Variants in CDH13 observed in about 807,000 individuals in gnomAD.
The protein encoded by CDH13 is cadherin 13.
A neutral mutation model predicts 63.8 loss-of-function variants in CDH13; 24 were observed. The ratio of observed to expected loss-of-function variants is 0.38; its 90% CI spans 0.27 to 0.53. The LOEUF is 0.53. Ranked by LOEUF, CDH13 falls within the 20% of genes least tolerant of loss-of-function variation. The probability of loss-of-function intolerance (pLI) is 0.85; values close to 1 mark genes in which losing one functional copy is unlikely to be tolerated. For missense variants in CDH13, 1,049 were observed against 903.1 expected, an observed-to-expected ratio of 1.16 and a Z score of -2.07; for synonymous variants, 503 against 355.3, an observed-to-expected ratio of 1.42 and a Z score of -4.67.
chr16:83,313,039 C>A (rs780870509), intron 5 of CDH13, among the ~76,000 whole-genome samples: 2 of 152,152 alleles, frequency 1.3e-5, no homozygotes, highest in Non-Finnish European at 2.9e-5. Context: ...GAATCAGCAC[C>A]CACTCAGCTG....
chr16:83,115,209 A>G (rs2151627655), intron 3 of CDH13, among the ~76,000 whole-genome samples: 1 of 152,328 alleles, frequency 6.6e-6, no homozygotes, highest in Non-Finnish European at 1.5e-5. Context: ...ACAGAGGCCA[A>G]AGAGCTGAAT....
chr16:82,913,969 G>A (rs2041911881), intron 2 of CDH13, among the ~76,000 whole-genome samples: 2 of 151,696 alleles, frequency 1.3e-5, no homozygotes, highest in Admixed American at 1.3e-4. Flanking sequence ...GCTGGGGGAT[G>A]TAGACACCAC....
intron 6 of CDH13, among the ~76,000 whole-genome samples, chr16:83,381,388 C>T (rs766800233): frequency 2.6e-5 from 4 of 152,028 alleles, no homozygotes; most frequent in African/African-American, 4.8e-5. Flanking sequence ...GAGTTCCAAA[C>T]CTCTCTGACT....
At chr16:83,585,529 C>T (rs765004246) in intron 7 of CDH13, among the ~76,000 whole-genome samples, 1 of 151,904 alleles carries the variant, frequency 6.6e-6, no homozygotes, top group Non-Finnish European at 1.5e-5. Flanking sequence ...TTGCAGTGCT[C>T]GTGACACATT....
At chr16:83,709,164 G>A (rs910554890) in intron 10 of CDH13, among the ~76,000 whole-genome samples, 5 of 152,192 alleles carry the variant, frequency 3.3e-5, no homozygotes, top group African/African-American at 1.2e-4. Context: ...AGGAATGCAG[G>A]CATCTCTAGA....
At position 83,290,027 on chromosome 16, in the gene CDH13, C is replaced by G. The variant is rs77790514; in HGVS notation, c.637-54835C>G. 2.3e-3 allele frequency among the ~76,000 whole-genome samples: 351 copies of G among 152,258 alleles called. 1 individual carries two copies. Among genetic ancestry groups the G allele is most frequent in the African/African-American group, 8.1e-3 (338 of 41,560 alleles). ...ACCACTCTTCTGACACTTAACTGTACAGATTAGATTGGCCTGTTTGGGGAC... is the reference window on the plus strand; with the variant it reads ...ACCACTCTTCTGACACTTAACTGTAGAGATTAGATTGGCCTGTTTGGGGAC... On this transcript the variant is annotated intron_variant, in intron 5 of 13. Transcript: ENST00000567109.
At chr16:83,224,261 C>T (rs2151796153) in intron 5 of CDH13, among the ~76,000 whole-genome samples, 1 of 152,294 alleles carries the variant, frequency 6.6e-6, no homozygotes, top group East Asian at 1.9e-4. Flanking sequence ...GATTGATGGG[C>T]ATTTGGGCTG....
At chr16:82,891,346 A>G (rs1019705596) in intron 2 of CDH13, among the ~76,000 whole-genome samples, 3 of 152,128 alleles carry the variant, frequency 2.0e-5, no homozygotes, top group Non-Finnish European at 1.5e-5. Context: ...TCTGCACTGC[A>G]TTTTAGGAGC....
intron 8 of CDH13, among the ~76,000 whole-genome samples, chr16:83,618,166 T>G (rs2150773184): frequency 6.6e-6 from 1 of 152,238 alleles, no homozygotes; most frequent in East Asian, 1.9e-4. Context: ...GGCTCATGCC[T>G]GTAATACCAG....
intron 1 of CDH13, among the ~76,000 whole-genome samples, chr16:82,806,524 T>C (rs2037154707): frequency 6.6e-6 from 1 of 152,218 alleles, no homozygotes; most frequent in South Asian, 2.1e-4. Context: ...TTTGTAACAT[T>C]ATCTCTCTCC....
intron 8 of CDH13, among the ~76,000 whole-genome samples, chr16:83,622,946 A>C (rs1296745093): frequency 6.6e-6 from 1 of 152,202 alleles, no homozygotes; most frequent in African/African-American, 2.4e-5. Context: ...AGCAGGGAGG[A>C]CAGGTATAAA....
intron 1 of CDH13, among the ~76,000 whole-genome samples, chr16:82,660,114 T>C (rs562593469): frequency 6.6e-6 from 1 of 152,258 alleles, no homozygotes; most frequent in South Asian, 2.1e-4. Flanking sequence ...ATTTATTCTG[T>C]GGTTTGGCTG....
intron 10 of CDH13, among the ~76,000 whole-genome samples, chr16:83,701,542 G>C (rs545841145): frequency 1.8e-4 from 27 of 152,242 alleles, no homozygotes; most frequent in African/African-American, 6.5e-4. Flanking sequence ...ATATCTGTTT[G>C]AGCTACAACT....
At chr16:82,744,165 A>G (rs948143673) in intron 1 of CDH13, among the ~76,000 whole-genome samples, 4 of 152,190 alleles carry the variant, frequency 2.6e-5, no homozygotes, top group African/African-American at 9.7e-5. Context: ...CAGAGATAGG[A>G]TGGCAGCCTC....
At chr16:83,583,220 T>C (rs1355602144) in intron 7 of CDH13, among the ~76,000 whole-genome samples, 38 of 152,186 alleles carry the variant, frequency 2.5e-4, no homozygotes, top group Admixed American at 2.2e-3. Context: ...CACACCCAGC[T>C]AATCCAAAAT....
chr16:83,052,886 G>A (rs1408283319), intron 3 of CDH13, among the ~76,000 whole-genome samples: 1 of 152,036 alleles, frequency 6.6e-6, no homozygotes, highest in Non-Finnish European at 1.5e-5. Flanking sequence ...TTATAAAGCG[G>A]TGATTGGGAA....
chr16:82,833,101 G>A (rs2038616082), intron 1 of CDH13, among the ~76,000 whole-genome samples: 1 of 152,218 alleles, frequency 6.6e-6, no homozygotes, highest in African/African-American at 2.4e-5. Context: ...ATGGCAGACA[G>A]AAGGAGAGCC....
chr16:83,110,430 A>C (rs1458725759), intron 3 of CDH13, among the ~76,000 whole-genome samples: 1 of 152,228 alleles, frequency 6.6e-6, no homozygotes, highest in African/African-American at 2.4e-5. Flanking sequence ...ATGCCTTGCA[A>C]TGCGGAAGAG....
chr16:82,644,459 GTCA>G lies in CDH13; in HGVS notation c.45+17324_45+17326del, dbSNP rs1293846630. Among the ~76,000 whole-genome samples, 1 of 152,100 alleles carries G rather than the reference GTCA, an allele frequency of 6.6e-6. No individual in the cohort carries two copies. Among genetic ancestry groups the G allele is most frequent in the Non-Finnish European group, 1.5e-5 (1 of 68,026 alleles). ...CGTGGGTTGATGATTTCTATCCTTT[GTCA>G]TGTTGAAAATGCTGAGTGACAAAGC... On this transcript the variant is annotated intron_variant, in intron 1 of 13. Coordinates refer to ENST00000567109, the MANE Select transcript of CDH13 (RefSeq NM_001257.5). The surrounding 1 kb of genome is among the most constrained non-coding windows in gnomAD (Gnocchi z 5.7).
Sources: gnomAD v4.1 joint callset for allele counts (sites outside exome capture counted in the v4.1 genomes callset) on GRCh38, gnomAD v4.1.1 for gene constraint, Gnocchi (gnomAD v3.1) non-coding constraint, MANE v1.5 for transcripts, NCBI Gene and HGNC (gene_info 2026-07-23, HGNC 2026-07-21) for gene names.